Variants in BCAR1 observed in about 807,000 individuals in gnomAD.
BCAR1 encodes BCAR1 scaffold protein, Cas family member, also known as breast cancer anti-estrogen resistance protein 1.
Under a neutral mutation model 67.6 loss-of-function variants are expected in BCAR1, and 30 were observed. The observed-to-expected ratio is 0.44, with a 90% CI of 0.33 to 0.60. The LOEUF (loss-of-function observed/expected upper bound fraction) is 0.60, where lower values mean the gene tolerates loss of function less well. Among genes scored for constraint, BCAR1 ranks in the 20% least tolerant of loss-of-function variants. The pLI is 0.02. For synonymous variants in BCAR1, 626 were observed against 556.7 expected (o/e 1.12, Z -1.75); for missense variants, 1,313 against 1,222.3 (o/e 1.07, Z -1.11).
chr16:75,235,548 G>T lies in BCAR1; in HGVS notation c.1351C>A (p.Arg451=). The T allele has an allele frequency of 6.3e-7, 1 of 1,593,978 alleles. No individual in the cohort carries two copies. Among genetic ancestry groups the T allele is most frequent in the Non-Finnish European group, 8.5e-7 (1 of 1,170,926 alleles). The change falls in exon 5 of 7, where the codon CGG becomes AGG. Residue 451 remains arginine, a synonymous_variant. Transcript: ENST00000162330. ...ASSLEVAGPG[R]EPLELEVAVE... The stretch of plus-strand genomic sequence containing the variant: ...GCAACTTCCAGCTCCAGGGGTTCCC[G>T]GCCCGGCCCTGCCACCTCCAAGGAG...
Position 75,229,287 on chromosome 16 carries a change from G to T in BCAR1, c.*224C>A, listed in dbSNP as rs1235368250. On this transcript the variant is annotated 3_prime_UTR_variant, in exon 7 of 7. Coordinates refer to ENST00000162330, the MANE Select transcript of BCAR1 (RefSeq NM_014567.5). ...CAACCCGGGCCCGTGGTGCATGCTG[G>T]GGAAGGCCACTGGCCGGCCCCTGGG... 4 of 679,332 alleles carry T rather than the reference G, an allele frequency of 5.9e-6. No homozygotes were observed. The East Asian group carries it at 1.2e-4, about 21-fold the overall frequency. 42.1% of individuals were successfully genotyped at this position (679,332 alleles called of 1,614,324 possible).
intron 1 of BCAR1, among the ~76,000 whole-genome samples, chr16:75,260,527 G>C (rs1360824408): frequency 3.3e-5 from 5 of 151,722 alleles, no homozygotes; most frequent in Non-Finnish European, 4.4e-5. Flanking sequence ...CCAGCTACTT[G>C]GGAGGCTGAG....
intron 1 of BCAR1, chr16:75,265,342 C>T (rs1243485638): frequency 2.0e-5 from 3 of 152,356 alleles, no homozygotes; most frequent in Non-Finnish European, 4.4e-5. Flanking sequence ...CCCGGGAGCG[C>T]CGCAGGGCAG....
intron 2 of BCAR1, chr16:75,238,202 T>C (rs1597204349): frequency 8.2e-7 from 1 of 1,212,280 alleles, no homozygotes; most frequent in South Asian, 1.4e-5. Context: ...CTGAAGCGGG[T>C]AGGGGCCATG....
intron 6 of BCAR1, 49 bp from the exon 7 acceptor site, chr16:75,230,072 G>T: frequency 1.3e-6 from 2 of 1,512,096 alleles, no homozygotes; most frequent in South Asian, 1.3e-5. Context: ...GGGTGAGTTG[G>T]AACTACAGGC....
chr16:75,230,595 C>A (rs1056258763), intron 6 of BCAR1, among the ~76,000 whole-genome samples: 4 of 152,234 alleles, frequency 2.6e-5, no homozygotes, highest in African/African-American at 9.6e-5. Context: ...CAGAACCACA[C>A]ACGAAAGTTA....
chr16:75,237,475 G>A (rs1597200250), intron 2 of BCAR1, 131 bp from the exon 3 acceptor site: 9 of 1,153,084 alleles, frequency 7.8e-6, no homozygotes, highest in Admixed American at 3.7e-5. Context: ...GGCTCCCCAA[G>A]GATGCCAGTT....
intron 1 of BCAR1, chr16:75,265,153 G>A (rs1423108334): frequency 6.6e-6 from 1 of 152,476 alleles, no homozygotes; most frequent in African/African-American, 2.4e-5. Context: ...CGGCCAGCGG[G>A]GAGGAAGCGG....
chr16:75,267,402 GGGT>G lies in BCAR1; in HGVS notation c.66+510_66+512del, dbSNP rs1567629911. 2.3e-3 allele frequency among the ~76,000 whole-genome samples: 335 copies of G among 145,410 alleles called. 9 individuals carry two copies. Among genetic ancestry groups the G allele is most frequent in the African/African-American group, 6.8e-3 (249 of 36,770 alleles). ...GCAGGGCCACAGCAAGCCGGGGGGG[GGGT>G]GGGGGGCCTGGACCGACAGCTGCCA... On this transcript the variant is annotated intron_variant, in intron 1 of 6. Transcript: ENST00000393422.
chr16:75,237,202 G>A lies in BCAR1; in HGVS notation c.776C>T (p.Pro259Leu), dbSNP rs2077171775. The A allele has an allele frequency of 1.3e-6, 2 of 1,572,404 alleles. No homozygotes were observed. The highest frequency in any genetic ancestry group is 1.4e-5 in the African/African-American group (1 of 73,352). Residue 259 changes from proline to leucine, a missense_variant, in exon 3 of 7, where the codon CCC (proline) becomes CTC (leucine). Transcript: ENST00000162330. ...YDVPPVRGLLPSQYGQEVYDT... is the reference protein window; with the variant it reads ...YDVPPVRGLLLSQYGQEVYDT... ...ACCTACCTCCTGGCCATACTGGCTG[G>A]GAAGCAGCCCCCGAACCGGGGGCAC...
chr16:75,255,768 G>A (rs999331402), upstream of BCAR1, among the ~76,000 whole-genome samples: 4 of 151,842 alleles, frequency 2.6e-5, no homozygotes, highest in African/African-American at 9.7e-5. Flanking sequence ...AAGGCGGGCA[G>A]ATCATCTGAG....
At chr16:75,250,903 C>G in intron 1 of BCAR1, 1 of 985,586 alleles carries the variant, frequency 1.0e-6, no homozygotes, top group Admixed American at 6.1e-5. Context: ...CCCCCACTCC[C>G]GCTCCGCTCC....
Position 75,235,446 on chromosome 16 carries a change from C to G in BCAR1, c.1453G>C (p.Gly485Arg). 1 of 1,607,608 alleles carries G rather than the reference C, an allele frequency of 6.2e-7. No individual in the cohort carries two copies. The highest frequency in any genetic ancestry group is 8.5e-7 in the Non-Finnish European group (1 of 1,178,802). ...GGGCTACGCCAGCTCCCAGTCGCAC[C>G]GGCGCTGCCTGCCAGGTCCAGAAGG... ...AHLLDLAGSA[G>R]ATGSWRSPSE... The change falls in exon 5 of 7, where the codon GGT becomes CGT. Residue 485 changes from glycine (G) to arginine (R), a missense_variant. Around this residue, in one of 2 missense-constraint regions of BCAR1, gnomAD observed 1,272 missense variants for 1,137.5 expected, o/e 1.12. Coordinates refer to ENST00000162330, the MANE Select transcript of BCAR1 (RefSeq NM_014567.5).
chr16:75,253,905 C>T (rs2077728369), upstream of BCAR1, among the ~76,000 whole-genome samples: 1 of 152,216 alleles, frequency 6.6e-6, no homozygotes, highest in South Asian at 2.1e-4. Flanking sequence ...TGCCAGGGGC[C>T]CTATGCCCAT....
At chr16:75,250,826 C>A in intron 1 of BCAR1, 1 of 985,570 alleles carries the variant, frequency 1.0e-6, no homozygotes, top group Non-Finnish European at 1.2e-6. Context: ...GGCTAGGACT[C>A]CTGTGGCCAG....
chr16:75,235,853 G>C lies in BCAR1; in HGVS notation c.1046C>G (p.Ala349Gly). The C allele has an allele frequency of 6.4e-7, 1 of 1,567,754 alleles. No homozygotes were observed. The highest frequency in any genetic ancestry group is 8.6e-7 in the Non-Finnish European group (1 of 1,158,056). Residue 349 changes from alanine (A) to glycine (G), a missense_variant, in exon 5 of 7, where the codon GCT (alanine) becomes GGT (glycine). Ala to Gly is a moderately conservative substitution (Grantham distance 60). This residue lies in a region of BCAR1 where 1,272 missense variants were observed against 1,137.5 expected (regional missense o/e 1.12). Coordinates refer to ENST00000162330, the MANE Select transcript of BCAR1 (RefSeq NM_014567.5). ...CGGCGGGGAGTCTGGAGGGGGCGCA[G>C]CCAGTACCAGTGGGGTGCGGGCCGG... is the stretch of plus-strand genomic sequence containing the variant. Reference protein sequence around the residue: ...FDPARTPLVLAAPPPDSPPAE... With the variant: ...FDPARTPLVLGAPPPDSPPAE...
At chr16:75,267,147 C>T (rs1021895487) in intron 1 of BCAR1, among the ~76,000 whole-genome samples, 2 of 152,132 alleles carry the variant, frequency 1.3e-5, no homozygotes, top group Admixed American at 6.5e-5. Context: ...CAGGAGTGTC[C>T]CGGTGAGGAT....
chr16:75,240,208 C>T (rs1387813047), intron 2 of BCAR1, among the ~76,000 whole-genome samples: 1 of 152,204 alleles, frequency 6.6e-6, no homozygotes, highest in Admixed American at 6.5e-5. Context: ...TCCCTCCCGC[C>T]CACGTGAAGT....
intron 1 of BCAR1, chr16:75,265,993 A>AGCCGC: frequency 1.9e-6 from 2 of 1,043,288 alleles, no homozygotes; most frequent in Non-Finnish European, 2.3e-6. Flanking sequence ...CGGCCGCTCC[A>AGCCGC]GCCGCGCCGC....
Sources: allele counts gnomAD v4.1 joint callset (sites outside exome capture counted in the v4.1 genomes callset), GRCh38; gene constraint gnomAD v4.1.1; regional missense constraint gnomAD v4.1.1; transcripts MANE v1.5; gene names NCBI Gene and HGNC (gene_info 2026-07-23, HGNC 2026-07-21).